Variants in SLC6A15 observed in about 807,000 individuals in gnomAD.
The protein encoded by SLC6A15 is solute carrier family 6 member 15, also known as sodium-dependent neutral amino acid transporter B(0)AT2.
Under a neutral mutation model 68.5 loss-of-function variants are expected in SLC6A15, and 33 were observed. That is an observed-to-expected ratio of 0.48 (90% confidence interval 0.37 to 0.64). The LOEUF (loss-of-function observed/expected upper bound fraction) is 0.64. Ranked by LOEUF, SLC6A15 falls within the 30% of genes least tolerant of loss-of-function variation. The probability of loss-of-function intolerance (pLI) is 0.00; values close to 1 mark genes in which losing one functional copy is unlikely to be tolerated. For synonymous variants in SLC6A15, 347 were observed against 301.0 expected (o/e 1.15, Z -1.58); for missense variants, 747 against 874.3 (o/e 0.85, Z 1.84).
chr12:84,877,299 G>A (rs1351990690), intron 5 of SLC6A15, among the ~76,000 whole-genome samples: 1 of 152,008 alleles, frequency 6.6e-6, no homozygotes, highest in Non-Finnish European at 1.5e-5. Context: ...TCAGAAAATG[G>A]CCCCACCCTC....
intron 9 of SLC6A15, among the ~76,000 whole-genome samples, chr12:84,869,275 C>T (rs917533452): frequency 7.9e-5 from 12 of 151,888 alleles, no homozygotes; most frequent in Non-Finnish European, 1.6e-4. Context: ...CTGGCTAACA[C>T]GGTGAAACCC....
rs1464771421 is a variant in SLC6A15 at position 84,876,481 on chromosome 12, G to A, written c.867+16C>T. 7.8e-7 allele frequency: 1 copy of A among 1,286,838 alleles called. No individual in the cohort carries two copies. The highest frequency in any genetic ancestry group is 1.1e-6 in the Non-Finnish European group (1 of 911,784). 79.7% of individuals were successfully genotyped at this position (1,286,838 alleles called of 1,614,324 possible). ...CTTTCATGATCATAAGCCTTAAATAGAAATATGGTACATACCTTAGGGGTA... is the reference window on the plus strand; with the variant it reads ...CTTTCATGATCATAAGCCTTAAATAAAAATATGGTACATACCTTAGGGGTA... On this transcript the variant is annotated intron_variant, in intron 6 of 11. Transcript: ENST00000266682.
chr12:84,880,775 T>C, intron 5 of SLC6A15: 1 of 472,422 alleles, frequency 2.1e-6, no homozygotes, highest in South Asian at 9.0e-5. Flanking sequence ...GAGACTATTT[T>C]ATCTTTCAAA....
chr12:84,909,364 G>A (rs79432815), intron 1 of SLC6A15, among the ~76,000 whole-genome samples: 6,106 of 152,186 alleles, frequency 0.04, 385 homozygotes, highest in African/African-American at 0.13. Context: ...TGTGTCAAGT[G>A]ATACTCTGCA....
intron 9 of SLC6A15, 28 bp downstream of exon 9, chr12:84,870,450 A>G: frequency 6.8e-7 from 1 of 1,474,260 alleles, no homozygotes; most frequent in East Asian, 2.4e-5. Flanking sequence ...GGATTTGTTC[A>G]ATGAAAAGTC....
intron 7 of SLC6A15, 72 bp from the exon 8 acceptor site, chr12:84,872,866 A>G (rs985825341): frequency 5.4e-6 from 7 of 1,286,604 alleles, no homozygotes; most frequent in South Asian, 2.9e-5. Flanking sequence ...CGACTATGCC[A>G]TTATAAGCTA....
At chr12:84,871,864 C>T (rs991417664) in intron 8 of SLC6A15, among the ~76,000 whole-genome samples, 7 of 152,000 alleles carry the variant, frequency 4.6e-5, no homozygotes, top group Non-Finnish European at 8.8e-5. Context: ...AGAAAAAGAA[C>T]TTCATCGGTT....
chr12:84,894,565 T>A (rs975647019), intron 1 of SLC6A15, among the ~76,000 whole-genome samples: 2 of 152,126 alleles, frequency 1.3e-5, no homozygotes, highest in African/African-American at 2.4e-5. Context: ...AAAAAAATTT[T>A]AAATAGTGTG....
intron 9 of SLC6A15, among the ~76,000 whole-genome samples, chr12:84,869,189 G>A (rs1396574852): frequency 3.3e-5 from 5 of 152,086 alleles, no homozygotes; most frequent in Non-Finnish European, 5.9e-5. Flanking sequence ...GCTGGGCACG[G>A]TGGCTCACGC....
At position 84,861,060 on chromosome 12, in the gene SLC6A15, T is replaced by C. The variant is rs1486064113; in HGVS notation, c.*572A>G. 6.6e-6 allele frequency: 1 copy of C among 152,194 alleles called. No homozygotes were observed. The highest frequency in any genetic ancestry group is 1.9e-4 in the East Asian group (1 of 5,188). The allele number at this position is 152,194 out of a possible 1,614,324, so 9.4% of individuals were successfully genotyped here. A position where few individuals can be genotyped will look rare whatever the true frequency, so the allele number is the denominator to read the frequency against. On this transcript the variant is annotated 3_prime_UTR_variant, in exon 12 of 12. Transcript: ENST00000266682. Reference sequence around the variant, plus strand: ...TCATCCCAGCGTTAGTGCCTTCTCATGCTTTGATTGCTATTGCTCTATACA... The same window carrying C: ...TCATCCCAGCGTTAGTGCCTTCTCACGCTTTGATTGCTATTGCTCTATACA...
chr12:84,899,369 A>G (rs1872756810), intron 1 of SLC6A15, among the ~76,000 whole-genome samples: 1 of 152,222 alleles, frequency 6.6e-6, no homozygotes, highest in Non-Finnish European at 1.5e-5. Context: ...GCATTTGCTT[A>G]GTTTCCACCT....
chr12:84,867,761 C>T (rs1871122125), intron 9 of SLC6A15: 1 of 152,084 alleles, frequency 6.6e-6, no homozygotes, highest in South Asian at 2.1e-4. Context: ...CTTTATCTTG[C>T]CTGAACAGAT....
intron 1 of SLC6A15, among the ~76,000 whole-genome samples, chr12:84,908,702 A>T (rs1873294576): frequency 6.6e-6 from 1 of 151,036 alleles, no homozygotes; most frequent in African/African-American, 2.4e-5. Context: ...TTCAATAAAT[A>T]TTTTCTGTAT....
At chr12:84,890,940 A>C (rs998275095) in intron 2 of SLC6A15, among the ~76,000 whole-genome samples, 2 of 152,186 alleles carry the variant, frequency 1.3e-5, no homozygotes, top group African/African-American at 2.4e-5. Context: ...TTTTAACAGC[A>C]TGTACGTGTA....
chr12:84,885,266 A>G (rs2120642852), intron 4 of SLC6A15, among the ~76,000 whole-genome samples, 169 bp downstream of exon 4: 1 of 152,294 alleles, frequency 6.6e-6, no homozygotes, highest in Admixed American at 6.5e-5. Context: ...TGGTCCCAAA[A>G]GTCTATCTCT....
At position 84,885,419 on chromosome 12, in the gene SLC6A15, A is replaced by G. The variant is rs764870695; in HGVS notation, c.574+16T>C. ...TAATGCTTAAATACCAAAACACTGTATTATACATATCTTACAAGTGTGTGA... is the reference window on the plus strand; with the variant it reads ...TAATGCTTAAATACCAAAACACTGTGTTATACATATCTTACAAGTGTGTGA... On this transcript the variant is annotated intron_variant, in intron 4 of 11. Transcript: ENST00000266682. 5 of 1,606,074 alleles carry G rather than the reference A, an allele frequency of 3.1e-6. No homozygotes were observed. The highest frequency in any genetic ancestry group is 4.2e-6 in the Non-Finnish European group (5 of 1,176,934).
At chr12:84,870,698 AG>A (rs773346255) in intron 8 of SLC6A15, 28 bp from the exon 9 acceptor site, 1 of 1,457,434 alleles carries the variant, frequency 6.9e-7, no homozygotes, top group Non-Finnish European at 9.4e-7. Flanking sequence ...TAGCAACATT[AG>A]TACAGAGTAA....
In SLC6A15 at chr12:84,892,141, TAAAAA is replaced by T; in HGVS notation, c.-26_-22del. 1.5e-6 allele frequency: 2 copies of T among 1,342,700 alleles called. No individual in the cohort carries two copies. The highest frequency in any genetic ancestry group is 3.1e-5 in the African/African-American group (2 of 64,952). 83.2% of individuals were successfully genotyped at this position (1,342,700 alleles called of 1,614,324 possible). On this transcript the variant is annotated 5_prime_UTR_variant, in exon 2 of 12. Transcript: ENST00000266682. ...GGCATTGGAGAGTATGCGAAGTATTTAAAAAAAAAAAAAAAAACTCCCTTATGGCA... is the reference window on the plus strand; with the variant it reads ...GGCATTGGAGAGTATGCGAAGTATTTAAAAAAAAAAAACTCCCTTATGGCA...
Position 84,861,812 on chromosome 12 carries a change from G to A in SLC6A15, c.2013C>T (p.Gly671=), listed in dbSNP as rs770167294. The A allele has an allele frequency of 2.5e-5, 41 of 1,613,668 alleles. No homozygotes were observed. Among genetic ancestry groups the A allele is most frequent in the African/African-American group, 5.3e-5 (4 of 74,818 alleles). Residue 671 remains glycine (G), a synonymous_variant, in exon 12 of 12, where the codon GGC becomes GGT. Coordinates refer to ENST00000266682, the MANE Select transcript of SLC6A15 (RefSeq NM_182767.6). ...RVLKEPVNLE[G]DDTSLIHGKI... is the part of the protein sequence containing the mutation. ...TTCCGTGAATGAGGCTTGTATCATCGCCCTCTAAGTTCACAGGCTCTTTCA... is the reference window on the plus strand; with the variant it reads ...TTCCGTGAATGAGGCTTGTATCATCACCCTCTAAGTTCACAGGCTCTTTCA...
Sources: allele counts gnomAD v4.1 joint callset (sites outside exome capture counted in the v4.1 genomes callset), GRCh38; gene constraint gnomAD v4.1.1; transcripts MANE v1.5; gene names NCBI Gene and HGNC (gene_info 2026-07-23, HGNC 2026-07-21).